Variants in AMDHD2 observed in about 807,000 individuals in gnomAD.
AMDHD2 encodes amidohydrolase domain containing 2, also known as N-acetylglucosamine-6-phosphate deacetylase.
Under a neutral mutation model 41.8 loss-of-function variants are expected in AMDHD2, and 24 were observed. That is an observed-to-expected ratio of 0.57 (90% CI 0.42 to 0.81). The LOEUF (loss-of-function observed/expected upper bound fraction) is 0.81. Ranked by LOEUF, AMDHD2 falls within the 30% of genes least tolerant of loss-of-function variation. The probability of loss-of-function intolerance (pLI) is 0.00; values close to 1 mark genes in which losing one functional copy is unlikely to be tolerated. For missense variants in AMDHD2, 540 were observed against 588.5 expected (o/e 0.92, Z 0.85); for synonymous variants, 332 against 255.5 (o/e 1.30, Z -2.85).
rs1276157910 is a variant in AMDHD2 at position 2,529,580 on chromosome 16, G to A, written c.*17G>A. ...AGGCAGTGACAAGGACCTCGGCTGA[G>A]AGGACACCTGGCCGCAGCGGGATGC... is the stretch of plus-strand genomic sequence containing the variant. On this transcript the variant is annotated 3_prime_UTR_variant, in exon 11 of 11. Coordinates refer to ENST00000293971, the MANE Select transcript of AMDHD2 (RefSeq NM_001330449.2). 6.2e-7 allele frequency: 1 copy of A among 1,605,456 alleles called. No homozygotes were observed. The highest frequency in any genetic ancestry group is 8.5e-7 in the Non-Finnish European group (1 of 1,179,860).
Position 2,527,940 on chromosome 16 carries a change from G to A in AMDHD2, c.583G>A (p.Glu195Lys), listed in dbSNP as rs757892525. The change falls in exon 5 of 11, where the codon GAA becomes AAA. Residue 195 changes from glutamate (E) to lysine (K), a missense_variant. Transcript: ENST00000293971. The surrounding 1 kb of genome is among the most constrained non-coding windows in gnomAD (Gnocchi z 6.1). ...TLAPELGRSH[E>K]VIRALTARGI... ...GGCCCCAGAGTTGGGCCGTAGCCAC[G>A]AAGTGATCCGGGCGCTGACGGCCCG... 4.4e-6 allele frequency: 7 copies of A among 1,600,094 alleles called. No homozygotes were observed. The South Asian group carries it at 4.4e-5, about 10-fold the overall frequency.
At chr16:2,526,101 C>T (rs1268907663) in intron 3 of AMDHD2, among the ~76,000 whole-genome samples, 1 of 152,198 alleles carries the variant, frequency 6.6e-6, no homozygotes, top group African/African-American at 2.4e-5. Flanking sequence ...GCTTCCCTGC[C>T]TGGCCCTGTC....
intron 3 of AMDHD2, among the ~76,000 whole-genome samples, chr16:2,524,189 C>T (rs1180977844): frequency 6.6e-6 from 1 of 152,244 alleles, no homozygotes; most frequent in Non-Finnish European, 1.5e-5. Flanking sequence ...CTTCCAGGGC[C>T]CACTCACCCT....
At chr16:2,521,821 T>C (rs1374017399) in intron 3 of AMDHD2, among the ~76,000 whole-genome samples, 2 of 148,524 alleles carry the variant, frequency 1.3e-5, no homozygotes, top group South Asian at 2.2e-4. Context: ...TCTCGCTCTG[T>C]CGCCCAGGCT....
chr16:2,529,271 C>G, intron 10 of AMDHD2, 176 bp downstream of exon 10: 5 of 1,057,530 alleles, frequency 4.7e-6, no homozygotes, highest in Non-Finnish European at 5.3e-6. Flanking sequence ...GCCGGGCTTT[C>G]TGGTGTTGCA....
At chr16:2,528,793 G>A (rs2066044477) in intron 9 of AMDHD2, 75 bp downstream of exon 9, 56 of 1,587,916 alleles carry the variant, frequency 3.5e-5, no homozygotes, top group Admixed American at 5.6e-5. Flanking sequence ...CCGGGTGCCC[G>A]GACTGTAGCC....
In AMDHD2 at chr16:2,527,865, G is replaced by A; in HGVS notation, c.508G>A (p.Asp170Asn). ...LRSFEADAFQ[D>N]LLATYGPLDN... The stretch of plus-strand genomic sequence containing the variant: ...CTCCTTCGAGGCCGATGCCTTCCAG[G>A]ACTTGCTGGCCACCTACGGGCCCCT... Residue 170 changes from aspartate (D) to asparagine (N), a missense_variant, in exon 5 of 11, where the codon GAC becomes AAC. Transcript: ENST00000293971. The surrounding 1 kb of genome is among the most constrained non-coding windows in gnomAD (Gnocchi z 6.1). 6.3e-7 allele frequency: 1 copy of A among 1,597,642 alleles called. No individual in the cohort carries two copies. The highest frequency in any genetic ancestry group is 8.5e-7 in the Non-Finnish European group (1 of 1,179,220).
chr16:2,529,175 C>A, intron 10 of AMDHD2, 80 bp downstream of exon 10: 2 of 1,366,844 alleles, frequency 1.5e-6, no homozygotes, highest in Non-Finnish European at 1.9e-6. Flanking sequence ...CTGGACAGGG[C>A]CAGGGAGGGT....
Position 2,527,760 on chromosome 16 carries a change from T to C in AMDHD2, c.416-13T>C. ...GCAGGGACCTGCTGGAGCCACTTGC[T>C]CCCTCCTCCCAGGGCTGCACCTGGA... On this transcript the variant is annotated splice_polypyrimidine_tract_variant and intron_variant, in intron 4 of 10. Coordinates refer to ENST00000293971, the MANE Select transcript of AMDHD2 (RefSeq NM_001330449.2). This position sits in a 1 kb window ranked among gnomAD's most constrained non-coding sequence, Gnocchi z 6.1. 6.4e-7 allele frequency: 1 copy of C among 1,563,438 alleles called. No homozygotes were observed. The highest frequency in any genetic ancestry group is 8.6e-7 in the Non-Finnish European group (1 of 1,158,438).
At chr16:2,523,151 C>T (rs1240395276) in intron 3 of AMDHD2, among the ~76,000 whole-genome samples, 1 of 152,166 alleles carries the variant, frequency 6.6e-6, no homozygotes. Context: ...CAATACTTAA[C>T]TATTTCTTAA....
chr16:2,527,906 C>A lies in AMDHD2; in HGVS notation c.549C>A (p.Ile183=), dbSNP rs374500096. ...ACGGGCCCCTGGACAATGTCCGCAT[C>A]GTGACGCTGGCCCCAGAGTTGGGCC... ...ATYGPLDNVR[I]VTLAPELGRS... is the part of the protein sequence containing the mutation. Residue 183 remains isoleucine (I), a synonymous_variant, in exon 5 of 11, where the codon ATC becomes ATA. Coordinates refer to ENST00000293971, the MANE Select transcript of AMDHD2 (RefSeq NM_001330449.2). The surrounding 1 kb of genome is among the most constrained non-coding windows in gnomAD (Gnocchi z 6.1). 2.5e-6 allele frequency: 4 copies of A among 1,596,082 alleles called. No homozygotes were observed. Among genetic ancestry groups the A allele is most frequent in the Non-Finnish European group, 3.4e-6 (4 of 1,178,290 alleles).
chr16:2,526,664 A>T (rs1393354443), intron 3 of AMDHD2, among the ~76,000 whole-genome samples: 2 of 146,714 alleles, frequency 1.4e-5, no homozygotes, highest in Non-Finnish European at 3.0e-5. Context: ...TTGGCCAGGC[A>T]TGGTGGCTCA....
chr16:2,530,914 G>C lies in AMDHD2; in HGVS notation c.*1351G>C. The C allele has an allele frequency of 6.2e-7, 1 of 1,613,484 alleles. No individual in the cohort carries two copies. Among genetic ancestry groups the C allele is most frequent in the East Asian group, 2.2e-5 (1 of 44,882 alleles). On this transcript the variant is annotated 3_prime_UTR_variant, in exon 11 of 11. Coordinates refer to ENST00000293971, the MANE Select transcript of AMDHD2 (RefSeq NM_001330449.2). ...GCCTTGACGGCCGCGCACCCCTTAGGAAGTGGCTGTCCAGCGCCTGCCTGT... is the reference window on the plus strand; with the variant it reads ...GCCTTGACGGCCGCGCACCCCTTAGCAAGTGGCTGTCCAGCGCCTGCCTGT...
At chr16:2,528,770 C>T (rs1222168500) in intron 9 of AMDHD2, 52 bp downstream of exon 9, 1 of 1,601,972 alleles carries the variant, frequency 6.2e-7, no homozygotes. Flanking sequence ...TGGTGGGTCC[C>T]CAAGGGGCTG....
At chr16:2,522,400 C>T (rs189368667) in intron 3 of AMDHD2, among the ~76,000 whole-genome samples, 123 of 152,076 alleles carry the variant, frequency 8.1e-4, no homozygotes, top group Middle Eastern at 6.8e-3. Flanking sequence ...AAAGCTTTTT[C>T]GGCCGGGCGC....
rs149636062 is a variant in AMDHD2 at position 2,527,681 on chromosome 16, C to T, written c.415+66C>T. ...TCCTGCGGGACCTGTTGGCAGCCCC[C>T]ACCCCTCCAGATGCCCAGCTGGTGG... On this transcript the variant is annotated intron_variant, in intron 4 of 10. Transcript: ENST00000293971. The surrounding 1 kb of genome is among the most constrained non-coding windows in gnomAD (Gnocchi z 6.1). The T allele has an allele frequency of 1.1e-3, 1,669 of 1,570,604 alleles. 36 individuals are homozygous for T. The East Asian group carries it at 0.037, about 34-fold the overall frequency.
chr16:2,528,920 G>T, intron 9 of AMDHD2, 74 bp from the exon 10 acceptor site: 1 of 1,494,846 alleles, frequency 6.7e-7, no homozygotes. Context: ...GACAGGGAGT[G>T]CTGGTGTGGT....
chr16:2,520,445 C>T lies in AMDHD2; in HGVS notation c.-14C>T, dbSNP rs775121743. 3 of 1,231,230 alleles carry T rather than the reference C, an allele frequency of 2.4e-6. No homozygotes were observed. Among genetic ancestry groups the T allele is most frequent in the Non-Finnish European group, 2.0e-6 (2 of 981,138 alleles). 76.3% of individuals were successfully genotyped at this position (1,231,230 alleles called of 1,614,324 possible). On this transcript the variant is annotated 5_prime_UTR_variant, in exon 1 of 11. Coordinates refer to ENST00000293971, the MANE Select transcript of AMDHD2 (RefSeq NM_001330449.2). Reference sequence around the variant, plus strand: ...GCGGGGCTCCGGAGCCGCTCGCTCCCGACACGGCTCACGATGCGCGGCGAG... The same window carrying T: ...GCGGGGCTCCGGAGCCGCTCGCTCCTGACACGGCTCACGATGCGCGGCGAG...
At position 2,531,411 on chromosome 16, in the gene AMDHD2, A is replaced by G. The variant is rs1056586089; in HGVS notation, c.*1848A>G. 8 of 499,366 alleles carry G rather than the reference A, an allele frequency of 1.6e-5. No homozygotes were observed. The highest frequency in any genetic ancestry group is 3.6e-5 in the Admixed American group (1 of 27,658). The allele number at this position is 499,366 out of a possible 1,614,324, so 30.9% of individuals were successfully genotyped here. A position where few individuals can be genotyped will look rare whatever the true frequency, so the allele number is the denominator to read the frequency against. On this transcript the variant is annotated 3_prime_UTR_variant, in exon 11 of 11. Transcript: ENST00000293971. ...GGTAAAATACATAACAAAAGTAACT[A>G]TCGTAACCTGAGCAGTTCTGTGACA...
Sources: allele counts gnomAD v4.1 joint callset (sites outside exome capture counted in the v4.1 genomes callset), GRCh38; gene constraint gnomAD v4.1.1; non-coding constraint Gnocchi (gnomAD v3.1); transcripts MANE v1.5; gene names NCBI Gene and HGNC (gene_info 2026-07-23, HGNC 2026-07-21).